MAF: variants seen among roughly 807,000 people sequenced by gnomAD.
MAF encodes MAF bZIP transcription factor.
Under a neutral mutation model 22.0 loss-of-function variants are expected in MAF, and 10 were observed. The observed-to-expected ratio is 0.45, with a 90% CI of 0.28 to 0.77. The LOEUF (loss-of-function observed/expected upper bound fraction) is 0.77. MAF is among the 30% of genes least tolerant of loss of function. MAF has a pLI of 0.12. For missense variants in MAF, 544 were observed against 548.4 expected (o/e 0.99, Z 0.08); for synonymous variants, 337 against 255.8 (o/e 1.32, Z -3.03).
At chr16:79,595,689 A>G in intron 1 of MAF, 2 of 1,058,060 alleles carry the variant, frequency 1.9e-6, no homozygotes, top group Non-Finnish European at 2.3e-6. Context: ...GGTAAATACC[A>G]GTAAATCAAA....
At chr16:79,549,205 G>C in the MAF span, among the ~76,000 whole-genome samples, 10 of 151,896 alleles carry the variant, frequency 6.6e-5, no homozygotes, top group African/African-American at 2.4e-4. Context: ...AGTGTCCAGT[G>C]GCATTTCCTG....
the MAF span, among the ~76,000 whole-genome samples, chr16:79,497,215 C>T: frequency 1.3e-5 from 2 of 152,050 alleles, no homozygotes; most frequent in South Asian, 2.1e-4. Flanking sequence ...TCCTTGCCTC[C>T]GAATCCTCAT....
At chr16:79,325,547 T>G in the MAF span, among the ~76,000 whole-genome samples, 5 of 151,364 alleles carry the variant, frequency 3.3e-5, no homozygotes, top group Non-Finnish European at 5.9e-5. Flanking sequence ...CTGGCTTCCT[T>G]AAGGCACACA....
the MAF span, among the ~76,000 whole-genome samples, chr16:79,263,661 G>C: frequency 1.3e-5 from 2 of 152,172 alleles, no homozygotes; most frequent in African/African-American, 4.8e-5. Flanking sequence ...TTTTAAACCT[G>C]TCATTCTGTG....
the MAF span, among the ~76,000 whole-genome samples, chr16:79,443,941 T>C: frequency 6.6e-6 from 1 of 152,134 alleles, no homozygotes; most frequent in East Asian, 1.9e-4. Flanking sequence ...TCTATCTATG[T>C]CATAGTTTTG....
At chr16:79,212,778 TCTC>T in the MAF span, 3 of 152,144 alleles carry the variant, frequency 2.0e-5, no homozygotes, top group Non-Finnish European at 4.4e-5. Flanking sequence ...ATAAAGCGCT[TCTC>T]GTAGATGCCA....
At chr16:79,320,546 T>C in the MAF span, among the ~76,000 whole-genome samples, 3 of 152,150 alleles carry the variant, frequency 2.0e-5, no homozygotes, top group Non-Finnish European at 2.9e-5. Context: ...CCAATCTACC[T>C]AGAATTCGCT....
At chr16:79,373,717 C>A in the MAF span, among the ~76,000 whole-genome samples, 1 of 152,164 alleles carries the variant, frequency 6.6e-6, no homozygotes, top group East Asian at 1.9e-4. Context: ...CTTGAACTAG[C>A]ACATTTAGCC....
chr16:79,365,340 T>C, the MAF span, among the ~76,000 whole-genome samples: 8,457 of 152,246 alleles, frequency 0.056, 547 homozygotes, highest in African/African-American at 0.16. Context: ...TTTCTATGTG[T>C]GTGTTTACCA....
chr16:79,356,046 C>T, the MAF span, among the ~76,000 whole-genome samples: 1 of 152,146 alleles, frequency 6.6e-6, no homozygotes, highest in African/African-American at 2.4e-5. Flanking sequence ...TACACACACG[C>T]ACATGCACAC....
chr16:79,282,104 C>G, the MAF span, among the ~76,000 whole-genome samples: 3 of 152,028 alleles, frequency 2.0e-5, no homozygotes, highest in Non-Finnish European at 4.4e-5. Context: ...AGTTCGAGAC[C>G]AGCCTGGACA....
At chr16:79,531,220 C>G in the MAF span, among the ~76,000 whole-genome samples, 4 of 152,140 alleles carry the variant, frequency 2.6e-5, no homozygotes, top group Non-Finnish European at 5.9e-5. Flanking sequence ...GTCTTCCTAA[C>G]TTCATAGGAT....
the MAF span, among the ~76,000 whole-genome samples, chr16:79,298,661 A>G: frequency 6.6e-6 from 1 of 152,206 alleles, no homozygotes; most frequent in African/African-American, 2.4e-5. Flanking sequence ...TTGTCATGGG[A>G]AAGAGCAAGT....
the MAF span, among the ~76,000 whole-genome samples, chr16:79,464,274 G>A: frequency 6.6e-6 from 1 of 152,280 alleles, no homozygotes; most frequent in Non-Finnish European, 1.5e-5. Context: ...GTAAATGCAA[G>A]CATGAAGTGT....
At chr16:79,305,924 T>G in the MAF span, among the ~76,000 whole-genome samples, 1 of 152,172 alleles carries the variant, frequency 6.6e-6, no homozygotes, top group Non-Finnish European at 1.5e-5. Flanking sequence ...GCCACCCAAG[T>G]CCTGGCTTGT....
At chr16:79,335,104 G>C in the MAF span, among the ~76,000 whole-genome samples, 1 of 150,022 alleles carries the variant, frequency 6.7e-6, no homozygotes, top group East Asian at 2.0e-4. Context: ...AGAATTGCTT[G>C]AAACTGGGAG....
the MAF span, among the ~76,000 whole-genome samples, chr16:79,236,191 C>G: frequency 6.6e-6 from 1 of 152,082 alleles, no homozygotes; most frequent in Non-Finnish European, 1.5e-5. Context: ...CTCGCCATAG[C>G]TTGTGCGCTC....
the MAF span, among the ~76,000 whole-genome samples, chr16:79,469,126 G>C: frequency 3.5e-4 from 54 of 152,230 alleles, no homozygotes; most frequent in African/African-American, 1.3e-3. Context: ...TTGCAAACTG[G>C]AGCCCTGCAA....
chr16:79,417,770 A>G, the MAF span, among the ~76,000 whole-genome samples: 95,191 of 152,014 alleles, frequency 0.63, 30,834 homozygotes, highest in East Asian at 0.9. Context: ...TTTTGTTTAC[A>G]GCTTTTGGAT....
Sources: gnomAD v4.1 joint callset for allele counts (sites outside exome capture counted in the v4.1 genomes callset) on GRCh38, gnomAD v4.1.1 for gene constraint, MANE v1.5 for transcripts, NCBI Gene and HGNC (gene_info 2026-07-23, HGNC 2026-07-21) for gene names.